CHCHD4: variants seen among roughly 807,000 people sequenced by gnomAD.
The protein encoded by CHCHD4 is mitochondrial intermembrane space import and assembly protein 40.
CHCHD4 carries 7 observed loss-of-function variants against 12.4 expected under a neutral mutation model. The observed-to-expected ratio is 0.57, with a 90% CI of 0.32 to 1.06. The LOEUF (loss-of-function observed/expected upper bound fraction) is 1.06. Ranked by LOEUF, CHCHD4 falls within the 50% of genes least tolerant of loss-of-function variation. The pLI, the probability that CHCHD4 is intolerant of heterozygous loss-of-function variation, is 0.04. For missense variants in CHCHD4, 143 were observed against 175.1 expected (o/e 0.82, Z 1.03); for synonymous variants, 56 against 58.0 (o/e 0.97, Z 0.16).
At chr3:14,115,398 C>T (rs1262162802) in intron 2 of CHCHD4, among the ~76,000 whole-genome samples, 7 of 138,376 alleles carry the variant, frequency 5.1e-5, no homozygotes, top group African/African-American at 2.4e-4. Context: ...TCCTGCAGGC[C>T]TCCACAGTCT....
intron 1 of CHCHD4, among the ~76,000 whole-genome samples, chr3:14,119,563 C>T (rs938867659): frequency 6.6e-6 from 1 of 152,242 alleles, no homozygotes; most frequent in Admixed American, 6.5e-5. Context: ...ACTAGTGGGA[C>T]AATCAGCTAG....
chr3:14,124,693 T>C lies in CHCHD4; in HGVS notation c.-17A>G, dbSNP rs1466617282. On this transcript the variant is annotated 5_prime_UTR_variant, in exon 1 of 3. Transcript: ENST00000396914. ...ATAGGACATGGCTGCAGCCCGTCCC[T>C]GAGACCTTGCAGAAGCGGCGGTGGC... 1 of 1,527,202 alleles carries C rather than the reference T, an allele frequency of 6.5e-7. No homozygotes were observed. Among genetic ancestry groups the C allele is most frequent in the Non-Finnish European group, 8.8e-7 (1 of 1,139,320 alleles). 94.6% of individuals were successfully genotyped at this position (1,527,202 alleles called of 1,614,324 possible).
chr3:14,113,313 C>T (rs1043473523), intron 2 of CHCHD4, 119 bp from the exon 3 acceptor site: 1 of 790,392 alleles, frequency 1.3e-6, no homozygotes, highest in Non-Finnish European at 2.0e-6. Context: ...TGGACCCACA[C>T]CTCGATTTGG....
chr3:14,123,988 A>G (rs891558919), intron 1 of CHCHD4, among the ~76,000 whole-genome samples: 5 of 152,214 alleles, frequency 3.3e-5, no homozygotes, highest in Non-Finnish European at 7.3e-5. Flanking sequence ...CACAATGCCC[A>G]GGCTCAAACC....
In CHCHD4 at chr3:14,122,773, T is replaced by C. The variant is rs552210241; in HGVS notation, c.22+1882A>G. Among the ~76,000 whole-genome samples, 5 of 152,244 alleles carry C rather than the reference T, an allele frequency of 3.3e-5. No homozygotes were observed. In the South Asian group the frequency reaches 1.0e-3, roughly 32 times the overall value. On this transcript the variant is annotated intron_variant, in intron 1 of 2. Transcript: ENST00000396914. ...GATGGCAAAAAATAAAAAAGGTCAT[T>C]TCAGACAGTTCAGGATGTGAAAGAC...
At chr3:14,122,818 T>C (rs1395970946) in intron 1 of CHCHD4, among the ~76,000 whole-genome samples, 2 of 152,046 alleles carry the variant, frequency 1.3e-5, no homozygotes, top group Non-Finnish European at 2.9e-5. Flanking sequence ...CAGGAGGTGA[T>C]ATTGGAGCTA....
At chr3:14,118,603 C>G (rs1488405502) in intron 1 of CHCHD4, among the ~76,000 whole-genome samples, 1 of 152,178 alleles carries the variant, frequency 6.6e-6, no homozygotes, top group Admixed American at 6.5e-5. Context: ...GGGCCAGGAC[C>G]CCCAACCCAC....
chr3:14,121,939 G>T (rs1489078253), intron 1 of CHCHD4: 2 of 1,613,768 alleles, frequency 1.2e-6, no homozygotes, highest in Non-Finnish European at 1.7e-6. Context: ...CAGCTCTGTG[G>T]TAGTACCTGG....
At chr3:14,113,468 C>T (rs1435548557) in intron 2 of CHCHD4, among the ~76,000 whole-genome samples, 1 of 152,198 alleles carries the variant, frequency 6.6e-6, no homozygotes, top group African/African-American at 2.4e-5. Flanking sequence ...GAATTAAATA[C>T]CGGGACCCAT....
At chr3:14,115,319 A>C (rs1247669328) in intron 2 of CHCHD4, among the ~76,000 whole-genome samples, 1 of 152,208 alleles carries the variant, frequency 6.6e-6, no homozygotes, top group Non-Finnish European at 1.5e-5. Context: ...GAGGGGGCAG[A>C]CCAGTCTAAA....
intron 1 of CHCHD4, chr3:14,119,314 C>A (rs557979418): frequency 6.6e-6 from 1 of 152,242 alleles, no homozygotes; most frequent in African/African-American, 2.4e-5. Flanking sequence ...ACCACAGGAT[C>A]TGAGAAACAG....
intron 2 of CHCHD4, 36 bp downstream of exon 2, chr3:14,116,390 C>A: frequency 7.3e-7 from 1 of 1,375,784 alleles, no homozygotes; most frequent in Non-Finnish European, 1.0e-6. Context: ...CCCCAGTGCC[C>A]TGGTGTGGGT....
chr3:14,121,979 C>T (rs1369040892), intron 1 of CHCHD4: 1 of 1,614,092 alleles, frequency 6.2e-7, no homozygotes, highest in Non-Finnish European at 8.5e-7. Context: ...CACAGGCATC[C>T]AGTGGAGAAG....
chr3:14,121,956 C>G, intron 1 of CHCHD4: 1 of 1,614,062 alleles, frequency 6.2e-7, no homozygotes, highest in Admixed American at 1.7e-5. Context: ...CTGGTGGTCA[C>G]AGATGAATAC....
At chr3:14,124,557 C>T in intron 1 of CHCHD4, 98 bp downstream of exon 1, 1 of 1,181,910 alleles carries the variant, frequency 8.5e-7, no homozygotes, top group East Asian at 3.1e-5. Context: ...GGCCGCGCCT[C>T]AGGTGGCCCG....
At chr3:14,122,246 G>C (rs1174611661) in intron 1 of CHCHD4, among the ~76,000 whole-genome samples, 23 of 152,206 alleles carry the variant, frequency 1.5e-4, no homozygotes. Flanking sequence ...AGCATGCTGG[G>C]CTTTTCCTTC....
intron 2 of CHCHD4, among the ~76,000 whole-genome samples, chr3:14,114,505 C>T (rs1694856497): frequency 6.6e-6 from 1 of 152,166 alleles, no homozygotes; most frequent in South Asian, 2.1e-4. Flanking sequence ...TACATCTCAC[C>T]ACTTCTTGAA....
Position 14,113,181 on chromosome 3 carries a change from T to G in CHCHD4, c.135A>C (p.Pro45=), listed in dbSNP as rs1694840383. The G allele has an allele frequency of 1.2e-6, 2 of 1,608,626 alleles. No individual in the cohort carries two copies. Among genetic ancestry groups the G allele is most frequent in the African/African-American group, 2.7e-5 (2 of 74,690 alleles). The change falls in exon 3 of 3, where the codon CCA becomes CCC. Residue 45 remains proline, a synonymous_variant. Transcript: ENST00000396914. ...DPYEEHGLIL[P]NGNINWNCPC... ...GGCAGTTCCAGTTAATGTTTCCATT[T>G]GGCAGTATCAATCCTAGAACAGGAA...
chr3:14,117,482 G>A (rs1694887955), intron 1 of CHCHD4, among the ~76,000 whole-genome samples: 2 of 152,134 alleles, frequency 1.3e-5, no homozygotes, highest in Admixed American at 1.3e-4. Context: ...TAAGCAGAAG[G>A]GAGGTCCTTA....
Sources: gnomAD v4.1 joint callset for allele counts (sites outside exome capture counted in the v4.1 genomes callset) on GRCh38, gnomAD v4.1.1 for gene constraint, MANE v1.5 for transcripts, NCBI Gene and HGNC (gene_info 2026-07-23, HGNC 2026-07-21) for gene names.